SPTBN4: variants seen among roughly 807,000 people sequenced by gnomAD.
SPTBN4 encodes the protein spectrin beta, non-erythrocytic 4, also known as spectrin beta chain, non-erythrocytic 4.
A neutral mutation model predicts 277.8 loss-of-function variants in SPTBN4; 96 were observed. The observed-to-expected ratio is 0.35, with a 90% CI of 0.29 to 0.41. SPTBN4 has a LOEUF of 0.41. SPTBN4 is among the 10% of genes least tolerant of loss of function. The pLI is 1.00. For missense variants in SPTBN4, 3,006 were observed against 3,595.7 expected, an observed-to-expected ratio of 0.84 and a Z score of 4.19; for synonymous variants, 1,481 against 1,580.3, an observed-to-expected ratio of 0.94 and a Z score of 1.49.
chr19:40,506,810 T>C (rs541141624), intron 13 of SPTBN4, among the ~76,000 whole-genome samples: 2 of 152,020 alleles, frequency 1.3e-5, no homozygotes, highest in Non-Finnish European at 2.9e-5. Flanking sequence ...AGACATCATC[T>C]GTACCAAAAT....
At chr19:40,516,237 CAA>C (rs61403353) in intron 15 of SPTBN4, among the ~76,000 whole-genome samples, 8,360 of 112,220 alleles carry the variant, frequency 0.074, 582 homozygotes, top group African/African-American at 0.19. Context: ...GACCTTGTCT[CAA>C]AAAAAAAAAA....
chr19:40,543,207 T>C (rs1403246991), intron 20 of SPTBN4, among the ~76,000 whole-genome samples: 3 of 152,110 alleles, frequency 2.0e-5, no homozygotes, highest in Non-Finnish European at 2.9e-5. Context: ...TCCCACACTT[T>C]AGGAGGCCAA....
intron 30 of SPTBN4, 73 bp downstream of exon 30, chr19:40,566,432 C>G: frequency 1.5e-6 from 2 of 1,328,462 alleles, no homozygotes; most frequent in Non-Finnish European, 2.0e-6. Flanking sequence ...CTATATGAGA[C>G]AGACACACCG....
At chr19:40,523,269 C>T (rs1377831641) in intron 16 of SPTBN4, among the ~76,000 whole-genome samples, 168 bp from the exon 17 acceptor site, 2 of 152,206 alleles carry the variant, frequency 1.3e-5, no homozygotes, top group Admixed American at 6.5e-5. Flanking sequence ...GAGGGACAGA[C>T]TCCCAGGCAG....
intron 35 of SPTBN4, among the ~76,000 whole-genome samples, chr19:40,572,852 G>A (rs2145963411): frequency 6.6e-6 from 1 of 152,302 alleles, no homozygotes; most frequent in East Asian, 1.9e-4. Context: ...CCAGCTACTT[G>A]GGAGGCAGAG....
intron 18 of SPTBN4, 93 bp from the exon 19 acceptor site, chr19:40,532,532 A>G (rs2080688233): frequency 2.0e-6 from 3 of 1,479,952 alleles, no homozygotes; most frequent in South Asian, 2.7e-5. Context: ...ACACCCTAGC[A>G]GCCCAGGCCC....
chr19:40,484,051 C>T (rs2080042007), intron 2 of SPTBN4, among the ~76,000 whole-genome samples: 2 of 151,874 alleles, frequency 1.3e-5, no homozygotes, highest in Non-Finnish European at 2.9e-5. Context: ...CGCACTCCAG[C>T]CTGGATTTTA....
At chr19:40,529,701 C>T (rs1198242902) in intron 18 of SPTBN4, among the ~76,000 whole-genome samples, 2 of 152,162 alleles carry the variant, frequency 1.3e-5, no homozygotes, top group African/African-American at 2.4e-5. Context: ...CCCTCCTTCC[C>T]TTGCATTCCA....
chr19:40,489,899 C>T (rs555796719), intron 3 of SPTBN4, among the ~76,000 whole-genome samples, 176 bp from the exon 4 acceptor site: 2 of 152,288 alleles, frequency 1.3e-5, no homozygotes, highest in South Asian at 2.1e-4. Context: ...AGAGACAGAG[C>T]TTCTTTAGAA....
chr19:40,470,498 G>C, intron 1 of SPTBN4, among the ~76,000 whole-genome samples: 1 of 151,268 alleles, frequency 6.6e-6, no homozygotes, highest in East Asian at 1.9e-4. Context: ...GTAGAGATGG[G>C]GTTTCACCAT....
At chr19:40,565,594 C>T in intron 28 of SPTBN4, 33 bp downstream of exon 28, 6 of 1,601,392 alleles carry the variant, frequency 3.7e-6, no homozygotes, top group Non-Finnish European at 5.1e-6. Context: ...CCCTCTGCCA[C>T]CCGGGCACAT....
intron 3 of SPTBN4, among the ~76,000 whole-genome samples, chr19:40,489,448 C>T (rs2080111967): frequency 6.6e-6 from 1 of 151,882 alleles, no homozygotes; most frequent in Non-Finnish European, 1.5e-5. Flanking sequence ...TGCAGTGGCG[C>T]GATCTCGGCT....
At chr19:40,476,106 A>G (rs2079944397) in intron 2 of SPTBN4, among the ~76,000 whole-genome samples, 1 of 151,932 alleles carries the variant, frequency 6.6e-6, no homozygotes, top group African/African-American at 2.4e-5. Flanking sequence ...GCGCTTTGGG[A>G]GGCCAAGGTG....
chr19:40,567,450 A>G (rs761954268), intron 30 of SPTBN4, among the ~76,000 whole-genome samples: 7 of 152,312 alleles, frequency 4.6e-5, no homozygotes, highest in Middle Eastern at 3.4e-3. Context: ...GATTTAGCCA[A>G]TTCTTAAAAG....
At chr19:40,474,944 A>G (rs2079930491) in intron 2 of SPTBN4, among the ~76,000 whole-genome samples, 3 of 152,086 alleles carry the variant, frequency 2.0e-5, no homozygotes, top group Admixed American at 1.3e-4. Flanking sequence ...TATGTTGCCC[A>G]GGCTGGTGTG....
chr19:40,540,139 C>T (rs1012518692), intron 20 of SPTBN4, among the ~76,000 whole-genome samples: 2 of 151,852 alleles, frequency 1.3e-5, no homozygotes, highest in Non-Finnish European at 2.9e-5. Context: ...GTTGTCCAGG[C>T]TGGTCCCAAA....
rs1043232429 is a variant in SPTBN4, at chr19:40,467,234, C to G, written c.-87C>G. ...GGCCGGGCCGGGCCGGGCCGGGCAG[C>G]GGACGCCGACAGGGAGGGCGGTCGG... On this transcript the variant is annotated 5_prime_UTR_variant, in exon 1 of 36. Transcript: ENST00000598249. The G allele has an allele frequency of 2.0e-5, 3 of 151,356 alleles. No homozygotes were observed. The highest frequency in any genetic ancestry group is 7.3e-5 in the African/African-American group (3 of 41,162). The allele number at this position is 151,356 out of a possible 1,614,324, so 9.4% of individuals were successfully genotyped here. A position where few individuals can be genotyped will look rare whatever the true frequency, so the allele number is the denominator to read the frequency against.
chr19:40,570,358 G>A (rs1028184837), intron 32 of SPTBN4, 78 bp from the exon 33 acceptor site: 1 of 956,678 alleles, frequency 1.0e-6, no homozygotes, highest in East Asian at 3.2e-5. Context: ...TGGGACCCCA[G>A]ACCCATGACT....
intron 19 of SPTBN4, among the ~76,000 whole-genome samples, chr19:40,533,660 C>T (rs889804922): frequency 4.6e-5 from 7 of 151,816 alleles, no homozygotes; most frequent in Non-Finnish European, 1.0e-4. Flanking sequence ...CTCTGGCTCC[C>T]TCTATCTTTC....
Sources: gnomAD v4.1 joint callset for allele counts (sites outside exome capture counted in the v4.1 genomes callset) on GRCh38, gnomAD v4.1.1 for gene constraint, MANE v1.5 for transcripts, NCBI Gene and HGNC (gene_info 2026-07-23, HGNC 2026-07-21) for gene names.